POLM: variants seen among roughly 807,000 people sequenced by gnomAD.
POLM encodes the protein DNA-directed DNA/RNA polymerase mu.
POLM carries 52 observed loss-of-function variants against 56.7 expected under a neutral mutation model. The observed-to-expected ratio is 0.92, with a 90% confidence interval of 0.73 to 1.15. The LOEUF (loss-of-function observed/expected upper bound fraction) is 1.15. Among genes scored for constraint, POLM ranks in the 50% most tolerant of loss-of-function variants. The probability of loss-of-function intolerance (pLI) is 0.00; values close to 1 mark genes in which losing one functional copy is unlikely to be tolerated. For synonymous variants in POLM, 273 were observed against 274.3 expected (o/e 1.00, Z 0.05); for missense variants, 660 against 663.6 (o/e 0.99, Z 0.06).
chr7:44,076,535 TG>T lies in POLM; in HGVS notation c.808del (p.Gln270ArgfsTer3). Reference sequence around the variant, plus strand: ...CGCTTTCTGCTGTTGGGTTAGTTTCTGGGGCTGCTCTCGGAGGTCATCTAAG... The same window carrying T: ...CGCTTTCTGCTGTTGGGTTAGTTTCTGGGCTGCTCTCGGAGGTCATCTAAG... The part of the protein sequence containing the change: ...RTLDDLREQP[Q>X]KLTQQQKAGL... On this transcript the variant is annotated frameshift_variant, in exon 6 of 11. Transcript: ENST00000242248. LOFTEE classifies it high-confidence loss of function. 1 of 1,613,866 alleles carries T rather than the reference TG, an allele frequency of 6.2e-7. No individual in the cohort carries two copies. Among genetic ancestry groups the T allele is most frequent in the South Asian group, 1.1e-5 (1 of 91,048 alleles).
chr7:44,076,015 A>C (rs1344865872), intron 6 of POLM: 1 of 155,294 alleles, frequency 6.4e-6, no homozygotes, highest in Admixed American at 6.4e-5. Context: ...CTGGGATTAC[A>C]GGTGTGAGTC....
rs776524959 is a variant in POLM, at chr7:44,076,526, G to A, written c.818C>T (p.Thr273Ile). Residue 273 changes from threonine (T) to isoleucine (I), a missense_variant, in exon 6 of 11, where the codon ACC (threonine) becomes ATC (isoleucine). By Grantham distance (89) the Thr-to-Ile change is moderately conservative. Coordinates refer to ENST00000242248, the MANE Select transcript of POLM (RefSeq NM_013284.4). ...GGGCTCACCCGCTTTCTGCTGTTGGGTTAGTTTCTGGGGCTGCTCTCGGAG... is the reference window on the plus strand; with the variant it reads ...GGGCTCACCCGCTTTCTGCTGTTGGATTAGTTTCTGGGGCTGCTCTCGGAG... ...DDLREQPQKL[T>I]QQQKAGLQHH... 1 of 1,613,996 alleles carries A rather than the reference G, an allele frequency of 6.2e-7. No homozygotes were observed. The highest frequency in any genetic ancestry group is 1.7e-5 in the Admixed American group (1 of 60,004).
At chr7:44,080,577 T>G in intron 2 of POLM, 156 bp downstream of exon 2, 4 of 775,784 alleles carry the variant, frequency 5.2e-6, no homozygotes, top group Non-Finnish European at 8.8e-6. Context: ...CTCTACTGGT[T>G]TATAGGGGGC....
intron 6 of POLM, 84 bp downstream of exon 6, chr7:44,076,398 GCCACCAAACCCTCTGCACCAGACTGCT>G: frequency 1.4e-6 from 2 of 1,400,888 alleles, no homozygotes; most frequent in South Asian, 2.6e-5. Context: ...ACACAAAGCT[GCCACCAAACCCTCTGCACCAGACTGCT>G]CCCTTCCCTC....
rs755254910 is a variant in POLM, at chr7:44,074,216, T to C, written c.986A>G (p.His329Arg). The part of the protein sequence containing the change: ...GGFRRGKLQG[H>R]DVDFLITHPK... ...GTGGGTGATGAGGAAGTCCACGTCA[T>C]GGCCCTGCAACTTCCCCCTGAGGGC... The change falls in exon 8 of 11, where the codon CAT (histidine) becomes CGT (arginine). Residue 329 changes from histidine to arginine, a missense_variant. Physicochemically the swap from His to Arg is conservative, Grantham distance 29. Coordinates refer to ENST00000242248, the MANE Select transcript of POLM (RefSeq NM_013284.4). 3 of 1,588,066 alleles carry C rather than the reference T, an allele frequency of 1.9e-6. No homozygotes were observed. The highest frequency in any genetic ancestry group is 1.1e-5 in the South Asian group (1 of 87,750).
At chr7:44,074,689 C>A (rs981415019) in intron 6 of POLM, among the ~76,000 whole-genome samples, 159 bp from the exon 7 acceptor site, 2 of 152,216 alleles carry the variant, frequency 1.3e-5, no homozygotes, top group East Asian at 3.9e-4. Context: ...AGAGTGAGAT[C>A]CCAATCTAAG....
chr7:44,080,242 C>A, intron 2 of POLM: 1 of 538,960 alleles, frequency 1.9e-6, no homozygotes, highest in Non-Finnish European at 3.4e-6. Flanking sequence ...TCCATCACCC[C>A]AATCCTCACA....
chr7:44,074,353 G>A (rs1372384628), intron 7 of POLM, 45 bp downstream of exon 7: 1 of 1,549,960 alleles, frequency 6.5e-7, no homozygotes, highest in African/African-American at 1.4e-5. Context: ...CTTCACTGGG[G>A]AGGGGTCTGA....
chr7:44,073,531 G>A (rs2096174260), intron 10 of POLM, 94 bp downstream of exon 10: 5 of 1,599,330 alleles, frequency 3.1e-6, no homozygotes, highest in Non-Finnish European at 3.4e-6. Flanking sequence ...GGTCCTATGG[G>A]TTTCAGGCTG....
intron 8 of POLM, 29 bp from the exon 9 acceptor site, chr7:44,074,054 C>T (rs746255252): frequency 6.2e-7 from 1 of 1,610,334 alleles, no homozygotes; most frequent in Non-Finnish European, 8.5e-7. Context: ...GTGGCTGAGA[C>T]CATCCGGTGG....
rs777470717 is a variant in POLM, at chr7:44,080,900, C to G, written c.205G>C (p.Val69Leu). 6.3e-7 allele frequency: 1 copy of G among 1,576,102 alleles called. No individual in the cohort carries two copies. The highest frequency in any genetic ancestry group is 8.6e-7 in the Non-Finnish European group (1 of 1,161,826). ...TCTGCTGAGGTCTCTTCCATCACAA[C>G]ATGTGTCGCTTCGGAGCTGGTGGAG... is the stretch of plus-strand genomic sequence containing the variant. ...LDACSSEATH[V>L]VMEETSAEEA... Residue 69 changes from valine to leucine, a missense_variant, in exon 2 of 11, where the codon GTT (valine) becomes CTT (leucine). Physicochemically the swap from Val to Leu is conservative, Grantham distance 32. Transcript: ENST00000242248.
Position 44,082,501 on chromosome 7 carries a change from G to GAAGCCCCAGTGAGGCTGACGGAAGC in POLM, c.-88_-64dup, listed in dbSNP as rs2096203358. The GAAGCCCCAGTGAGGCTGACGGAAGC allele has an allele frequency of 2.9e-6, 1 of 346,996 alleles. No homozygotes were observed. The highest frequency in any genetic ancestry group is 2.4e-5 in the African/African-American group (1 of 40,848). The allele number at this position is 346,996 out of a possible 1,614,324, so 21.5% of individuals were successfully genotyped here. A position where few individuals can be genotyped will look rare whatever the true frequency, so the allele number is the denominator to read the frequency against. On this transcript the variant is annotated 5_prime_UTR_variant, in exon 1 of 11. Transcript: ENST00000242248. ...AGGGAAACTCCGAGCGAGACGGAAG[G>GAAGCCCCAGTGAGGCTGACGGAAGC]AAGCCCCAGTGAGGCTGACGGAAGC...
At chr7:44,077,850 A>C (rs1399696192) in intron 5 of POLM, among the ~76,000 whole-genome samples, 1 of 152,220 alleles carries the variant, frequency 6.6e-6, no homozygotes, top group East Asian at 1.9e-4. Context: ...CACTTCACTG[A>C]CAGTTATCCA....
At chr7:44,078,959 G>A (rs1562671430) in intron 4 of POLM, 148 bp from the exon 5 acceptor site, 1 of 621,322 alleles carries the variant, frequency 1.6e-6, no homozygotes, top group Non-Finnish European at 2.8e-6. Context: ...TCAGGGTCCA[G>A]TAGGACCTGG....
intron 4 of POLM, 104 bp downstream of exon 4, chr7:44,079,467 C>A (rs191929343): frequency 5.0e-5 from 55 of 1,093,660 alleles, no homozygotes; most frequent in Non-Finnish European, 5.2e-5. Flanking sequence ...TCAGCACCCA[C>A]GACTGTCTGT....
chr7:44,080,586 G>T, intron 2 of POLM, 147 bp downstream of exon 2: 1 of 822,216 alleles, frequency 1.2e-6, no homozygotes. Flanking sequence ...TTTATAGGGG[G>T]CCCCTGGTGA....
chr7:44,072,988 A>G lies in POLM; in HGVS notation c.*303T>C, dbSNP rs1249421110. 4 of 903,866 alleles carry G rather than the reference A, an allele frequency of 4.4e-6. No homozygotes were observed. Among genetic ancestry groups the G allele is most frequent in the East Asian group, 5.4e-5 (2 of 37,170 alleles). The allele number at this position is 903,866 out of a possible 1,614,324, so 56.0% of individuals were successfully genotyped here. ...TGACTGCAGGCCCCACCACAGCTCC[A>G]CGATGTGGGCCCCACTCACATCCCA... On this transcript the variant is annotated 3_prime_UTR_variant, in exon 11 of 11. Transcript: ENST00000242248.
intron 6 of POLM, among the ~76,000 whole-genome samples, chr7:44,075,024 T>C (rs1433913007): frequency 6.6e-6 from 1 of 152,190 alleles, no homozygotes; most frequent in African/African-American, 2.4e-5. Flanking sequence ...TCCTCACCTA[T>C]CAGCCTCCCA....
At chr7:44,075,080 C>T (rs376605628) in intron 6 of POLM, among the ~76,000 whole-genome samples, 16 of 152,194 alleles carry the variant, frequency 1.1e-4, no homozygotes, top group African/African-American at 3.1e-4. Context: ...GATGGAGTCT[C>T]GCTCTTGTTG....
Sources: allele counts gnomAD v4.1 joint callset (sites outside exome capture counted in the v4.1 genomes callset), GRCh38; gene constraint gnomAD v4.1.1; transcripts MANE v1.5; gene names NCBI Gene and HGNC (gene_info 2026-07-23, HGNC 2026-07-21).